PTPRJ: variants seen among roughly 807,000 people sequenced by gnomAD.
PTPRJ encodes receptor-type tyrosine-protein phosphatase eta.
In PTPRJ, 129 loss-of-function variants were observed where a neutral mutation model predicts 141.3. The observed-to-expected ratio is 0.91, with a 90% CI of 0.79 to 1.06. The LOEUF is 1.06. Among genes scored for constraint, PTPRJ ranks in the 50% least tolerant of loss-of-function variants. The pLI is 0.00. For missense variants in PTPRJ, 1,601 were observed against 1,679.7 expected, an observed-to-expected ratio of 0.95 and a Z score of 0.82; for synonymous variants, 610 against 640.5, an observed-to-expected ratio of 0.95 and a Z score of 0.72.
chr11:48,002,198 C>T lies in PTPRJ; in HGVS notation c.96+21190C>T, dbSNP rs184876214. On this transcript the variant is annotated intron_variant, in intron 1 of 24. Coordinates refer to ENST00000418331, the MANE Select transcript of PTPRJ (RefSeq NM_002843.4). ...TGTCACCCAGGCTGGAGTGCGGTGGCGCCATCTCAGCTCACTGCAACCTCT... is the reference window on the plus strand; with the variant it reads ...TGTCACCCAGGCTGGAGTGCGGTGGTGCCATCTCAGCTCACTGCAACCTCT... Among the ~76,000 whole-genome samples, 310 of 147,506 alleles carry T rather than the reference C, an allele frequency of 2.1e-3. 2 individuals carry two copies. Among genetic ancestry groups the T allele is most frequent in the Middle Eastern group, 0.011 (3 of 276 alleles).
At chr11:48,080,415 C>T (rs1347696788) in intron 1 of PTPRJ, among the ~76,000 whole-genome samples, 1 of 152,142 alleles carries the variant, frequency 6.6e-6, no homozygotes, top group Admixed American at 6.5e-5. Flanking sequence ...GCCAACTTGC[C>T]TGTGATCGGG....
intron 1 of PTPRJ, among the ~76,000 whole-genome samples, chr11:48,040,344 C>T (rs1274269979): frequency 6.6e-6 from 1 of 152,182 alleles, no homozygotes; most frequent in African/African-American, 2.4e-5. Flanking sequence ...GAAATTCTTT[C>T]CCCAGAGCCC....
At chr11:48,085,231 A>T (rs77290212) in intron 1 of PTPRJ, among the ~76,000 whole-genome samples, 3,855 of 147,882 alleles carry the variant, frequency 0.026, 161 homozygotes, top group African/African-American at 0.089. Flanking sequence ...GAGATTTGCA[A>T]ATATCTAAAA....
intron 1 of PTPRJ, among the ~76,000 whole-genome samples, chr11:48,022,483 T>A (rs991655846): frequency 2.0e-5 from 3 of 151,374 alleles, no homozygotes; most frequent in African/African-American, 7.3e-5. Flanking sequence ...AAAAAAAAAT[T>A]AAGATGATGA....
chr11:48,019,957 T>A (rs954413909), intron 1 of PTPRJ, among the ~76,000 whole-genome samples: 1 of 152,190 alleles, frequency 6.6e-6, no homozygotes, highest in Non-Finnish European at 1.5e-5. Context: ...AACTGTGTAT[T>A]TGAGATAAGA....
intron 1 of PTPRJ, among the ~76,000 whole-genome samples, chr11:48,047,644 A>G (rs527775465): frequency 6.6e-6 from 1 of 152,260 alleles, no homozygotes; most frequent in East Asian, 1.9e-4. Context: ...CTGGGACGAC[A>G]GGCGCGTGCC....
At chr11:48,109,918 A>T in intron 1 of PTPRJ, 140 bp from the exon 2 acceptor site, 1 of 920,542 alleles carries the variant, frequency 1.1e-6, no homozygotes. Context: ...AAGACGGCCT[A>T]ACCCTGACCA....
chr11:48,023,182 A>G (rs1378572771), intron 1 of PTPRJ, among the ~76,000 whole-genome samples: 1 of 152,202 alleles, frequency 6.6e-6, no homozygotes. Flanking sequence ...TTAAGGATGT[A>G]GAAATTTAGT....
At chr11:47,990,272 A>G (rs1422523728) in intron 1 of PTPRJ, among the ~76,000 whole-genome samples, 1 of 152,214 alleles carries the variant, frequency 6.6e-6, no homozygotes, top group African/African-American at 2.4e-5. Context: ...CAATGTATAT[A>G]TAATGTTACC....
intron 1 of PTPRJ, among the ~76,000 whole-genome samples, chr11:48,101,882 T>G (rs1034934998): frequency 9.9e-5 from 15 of 152,138 alleles, no homozygotes; most frequent in African/African-American, 3.6e-4. Flanking sequence ...GGGGTCATGG[T>G]GGCAGTGTGA....
intron 1 of PTPRJ, among the ~76,000 whole-genome samples, chr11:47,993,289 A>G (rs1460972231): frequency 2.6e-5 from 4 of 151,900 alleles, no homozygotes; most frequent in Admixed American, 2.6e-4. Context: ...TTTGTAGTTT[A>G]TTTGTTTGTT....
chr11:48,104,093 G>A lies in PTPRJ; in HGVS notation c.97-5965G>A, dbSNP rs138985781. Among the ~76,000 whole-genome samples the A allele has an allele frequency of 5.3e-5, 8 of 152,344 alleles. No individual in the cohort carries two copies. In the East Asian group the frequency reaches 1.5e-3, roughly 29 times the overall value. On this transcript the variant is annotated intron_variant, in intron 1 of 24. Coordinates refer to ENST00000418331, the MANE Select transcript of PTPRJ (RefSeq NM_002843.4). ...GCAGATGAGGCAGGGAAGCCGGCCT[G>A]TTCTCATCTTGCTGTGCCTGATGCC...
chr11:48,051,251 C>G lies in PTPRJ; in HGVS notation c.97-58807C>G, dbSNP rs189031810. On this transcript the variant is annotated intron_variant, in intron 1 of 24. Coordinates refer to ENST00000418331, the MANE Select transcript of PTPRJ (RefSeq NM_002843.4). ...CTGGGATTACAGGTGCGCACCACCA[C>G]GCCTGGCTAATTTTTGTATTTTTGG... 8.6e-5 allele frequency among the ~76,000 whole-genome samples: 13 copies of G among 152,036 alleles called. No homozygotes were observed. The East Asian group carries it at 2.1e-3, about 25-fold the overall frequency.
intron 1 of PTPRJ, among the ~76,000 whole-genome samples, chr11:48,018,737 C>G (rs902568008): frequency 3.3e-5 from 5 of 152,104 alleles, no homozygotes; most frequent in African/African-American, 1.2e-4. Context: ...TGTGGCACTC[C>G]CTTTAGTTAG....
At chr11:48,065,265 C>G (rs1855055540) in intron 1 of PTPRJ, among the ~76,000 whole-genome samples, 1 of 152,100 alleles carries the variant, frequency 6.6e-6, no homozygotes, top group South Asian at 2.1e-4. Flanking sequence ...CTGCCTGCCT[C>G]TGCCTCCCAA....
At chr11:48,088,386 G>T (rs2134294564) in intron 1 of PTPRJ, among the ~76,000 whole-genome samples, 1 of 152,290 alleles carries the variant, frequency 6.6e-6, no homozygotes, top group East Asian at 1.9e-4. Context: ...TGTAATAACT[G>T]CCATAAATTA....
chr11:48,110,209 T>TCTTTTA (rs1300021176), intron 2 of PTPRJ, 133 bp downstream of exon 2: 1 of 1,099,344 alleles, frequency 9.1e-7, no homozygotes, highest in African/African-American at 1.6e-5. Context: ...TTTTTCTTTT[T>TCTTTTA]CTTTTCTTTT....
chr11:48,035,068 G>A (rs984555634), intron 1 of PTPRJ, among the ~76,000 whole-genome samples: 6 of 152,164 alleles, frequency 3.9e-5, no homozygotes, highest in African/African-American at 1.2e-4. Flanking sequence ...CACAGTGGCC[G>A]TCCTCCAAGG....
chr11:48,061,576 G>T (rs1179264726), intron 1 of PTPRJ, among the ~76,000 whole-genome samples: 2 of 152,188 alleles, frequency 1.3e-5, no homozygotes, highest in African/African-American at 4.8e-5. Context: ...TCTGAGGAAA[G>T]GCACCTGACC....
Sources: allele counts gnomAD v4.1 joint callset (sites outside exome capture counted in the v4.1 genomes callset), GRCh38; gene constraint gnomAD v4.1.1; transcripts MANE v1.5; gene names NCBI Gene and HGNC (gene_info 2026-07-23, HGNC 2026-07-21).